CCN4: variants seen among roughly 807,000 people sequenced by gnomAD.
CCN4 encodes CCN family member 4.
In CCN4, 30 loss-of-function variants were observed where a neutral mutation model predicts 36.7. The observed-to-expected ratio is 0.82, with a 90% CI of 0.61 to 1.11. The LOEUF (loss-of-function observed/expected upper bound fraction) is 1.11, where lower values mean the gene tolerates loss of function less well. Ranked by LOEUF, CCN4 falls within the 50% of genes least tolerant of loss-of-function variation. The pLI, the probability that CCN4 is intolerant of heterozygous loss-of-function variation, is 0.00. For missense variants in CCN4, 505 were observed against 504.9 expected, an observed-to-expected ratio of 1.00 and a Z score of 0.00; for synonymous variants, 191 against 195.4, an observed-to-expected ratio of 0.98 and a Z score of 0.19.
At chr8:133,213,415 C>G (rs527345465) in intron 2 of CCN4, among the ~76,000 whole-genome samples, 117 of 152,222 alleles carry the variant, frequency 7.7e-4, no homozygotes, top group African/African-American at 2.7e-3. Context: ...GAGGGAGACG[C>G]CATGAAATAC....
At position 133,206,303 on chromosome 8, in the gene CCN4, G is replaced by A. The variant is rs571605912; in HGVS notation, c.70-6561G>A. Among the ~76,000 whole-genome samples, 4 of 152,314 alleles carry A rather than the reference G, an allele frequency of 2.6e-5. No individual in the cohort carries two copies. The East Asian group carries it at 5.8e-4, about 22-fold the overall frequency. ...TGACTCCCCATCATGACAGACCTGG[G>A]TGCACTGAGGAGGTCCCCAGACAGC... On this transcript the variant is annotated intron_variant, in intron 1 of 4. Transcript: ENST00000250160.
chr8:133,197,165 C>G (rs1853421870), intron 1 of CCN4, among the ~76,000 whole-genome samples: 1 of 152,018 alleles, frequency 6.6e-6, no homozygotes, highest in African/African-American at 2.4e-5. Flanking sequence ...GGATGTCCCT[C>G]AATGCCAACT....
rs370616029 is a variant in CCN4 at position 133,227,454 on chromosome 8, T to A, written c.848T>A (p.Met283Lys). ...CLAVYQPEAS[M>K]NFTLAGCIST... ...GCTGTGTACCAGCCAGAGGCATCCA[T>A]GAACTTCACACTTGCGGGCTGCATC... Residue 283 changes from methionine (M) to lysine (K), a missense_variant, in exon 5 of 5, where the codon ATG becomes AAG. Met to Lys is a moderately conservative substitution (Grantham distance 95). Transcript: ENST00000250160. 11 of 1,614,164 alleles carry A rather than the reference T, an allele frequency of 6.8e-6. No individual in the cohort carries two copies. Among genetic ancestry groups the A allele is most frequent in the Non-Finnish European group, 9.3e-6 (11 of 1,180,026 alleles).
intron 1 of CCN4, among the ~76,000 whole-genome samples, chr8:133,209,471 C>T (rs886425349): frequency 2.6e-5 from 4 of 152,196 alleles, no homozygotes; most frequent in Admixed American, 1.3e-4. Flanking sequence ...CTGGCTCAGC[C>T]GACTGCCCAC....
intron 1 of CCN4, among the ~76,000 whole-genome samples, chr8:133,197,723 G>A (rs910699501): frequency 3.3e-5 from 5 of 152,160 alleles, no homozygotes; most frequent in Admixed American, 6.5e-5. Context: ...TTGGGGCTTT[G>A]AGTGTGGATC....
At chr8:133,217,251 C>T (rs1187269746) in intron 2 of CCN4, among the ~76,000 whole-genome samples, 1 of 152,206 alleles carries the variant, frequency 6.6e-6, no homozygotes, top group Non-Finnish European at 1.5e-5. Flanking sequence ...ACACAATAAA[C>T]ATAAGTGAGG....
chr8:133,208,909 G>C (rs893350049), intron 1 of CCN4, among the ~76,000 whole-genome samples: 3 of 152,170 alleles, frequency 2.0e-5, no homozygotes, highest in Non-Finnish European at 4.4e-5. Flanking sequence ...TAAATGAAAG[G>C]GAGAATGAAT....
At chr8:133,191,311 A>G in intron 1 of CCN4, 98 bp downstream of exon 1, 1 of 1,397,930 alleles carries the variant, frequency 7.2e-7, no homozygotes, top group East Asian at 2.5e-5. Context: ...AAGGGCCAGG[A>G]AGGTTTGGGG....
At chr8:133,221,816 G>T (rs937234901) in intron 3 of CCN4, among the ~76,000 whole-genome samples, 4 of 151,966 alleles carry the variant, frequency 2.6e-5, no homozygotes, top group Admixed American at 2.0e-4. Flanking sequence ...TAAATGGACA[G>T]ATGGATGAAT....
chr8:133,195,082 TTGTG>T (rs992485084), intron 1 of CCN4, among the ~76,000 whole-genome samples: 1 of 147,794 alleles, frequency 6.8e-6, no homozygotes, highest in Non-Finnish European at 1.5e-5. Flanking sequence ...TGTAGTGTGC[TTGTG>T]TGTGTGTGGT....
chr8:133,219,072 T>C (rs1166386987), intron 2 of CCN4, among the ~76,000 whole-genome samples: 1 of 152,166 alleles, frequency 6.6e-6, no homozygotes, highest in Non-Finnish European at 1.5e-5. Context: ...TGGTCCCCCA[T>C]GCTACCTTTG....
Position 133,217,833 on chromosome 8 carries a change from G to T in CCN4, c.350-2748G>T, listed in dbSNP as rs546448434. 6.6e-5 allele frequency among the ~76,000 whole-genome samples: 10 copies of T among 152,162 alleles called. No homozygotes were observed. In the East Asian group the frequency reaches 1.9e-3, roughly 30 times the overall value. On this transcript the variant is annotated intron_variant, in intron 2 of 4. Transcript: ENST00000250160. Reference sequence around the variant, plus strand: ...CTGGGGTTCCCCTGTGCAGCTGGTAGGGAAAGCCACTGTGCTGGGGACTCC... The same window carrying T: ...CTGGGGTTCCCCTGTGCAGCTGGTATGGAAAGCCACTGTGCTGGGGACTCC...
intron 1 of CCN4, among the ~76,000 whole-genome samples, chr8:133,193,786 G>A (rs771102138): frequency 2.6e-5 from 4 of 152,214 alleles, no homozygotes; most frequent in Non-Finnish European, 5.9e-5. Context: ...TTGAACCTTG[G>A]TCCAGCTCTT....
intron 3 of CCN4, among the ~76,000 whole-genome samples, chr8:133,224,075 C>T (rs1403257730): frequency 6.6e-6 from 1 of 152,056 alleles, no homozygotes; most frequent in Non-Finnish European, 1.5e-5. Flanking sequence ...TCTTTTCTAT[C>T]ATGGCACTAG....
At chr8:133,210,892 A>T (rs565861126) in intron 1 of CCN4, among the ~76,000 whole-genome samples, 44 of 152,350 alleles carry the variant, frequency 2.9e-4, no homozygotes, top group African/African-American at 1.0e-3. Context: ...AAAGATAGGA[A>T]GGGCCTCTCA....
At chr8:133,215,400 T>C (rs1185816444) in intron 2 of CCN4, among the ~76,000 whole-genome samples, 1 of 152,240 alleles carries the variant, frequency 6.6e-6, no homozygotes, top group Non-Finnish European at 1.5e-5. Flanking sequence ...TGAGCTTGTC[T>C]CATAATTTAT....
rs373574457 is a variant in CCN4 at position 133,225,450 on chromosome 8, G to A, written c.671G>A (p.Ser224Asn). The stretch of plus-strand genomic sequence containing the variant: ...TGCATAGCCTACACAAGCCCCTGGA[G>A]CCCTTGCTCCACCAGCTGCGGCCTG... Reference protein sequence around the residue: ...RNCIAYTSPWSPCSTSCGLGV... With the variant: ...RNCIAYTSPWNPCSTSCGLGV... The change falls in exon 4 of 5, where the codon AGC becomes AAC. Residue 224 changes from serine (S) to asparagine (N), a missense_variant. By Grantham distance (46) the Ser-to-Asn change is conservative. Coordinates refer to ENST00000250160, the MANE Select transcript of CCN4 (RefSeq NM_003882.4). 5.6e-6 allele frequency: 9 copies of A among 1,613,972 alleles called. No homozygotes were observed. The African/African-American group carries it at 6.7e-5, about 12-fold the overall frequency.
At chr8:133,211,718 A>G (rs1396991475) in intron 1 of CCN4, among the ~76,000 whole-genome samples, 1 of 152,190 alleles carries the variant, frequency 6.6e-6, no homozygotes, top group Non-Finnish European at 1.5e-5. Flanking sequence ...TCCTCTGCTT[A>G]CTTCAGAACT....
chr8:133,226,862 A>G lies in CCN4; in HGVS notation c.805-549A>G, dbSNP rs1854754688. Among the ~76,000 whole-genome samples, 3 of 152,270 alleles carry G rather than the reference A, an allele frequency of 2.0e-5. 1 individual carries two copies. Among genetic ancestry groups the G allele is most frequent in the Admixed American group, 1.3e-4 (2 of 15,292 alleles). ...TACTAGGCATGGAATTATACCACAG[A>G]AACACAGAAAGAACAGTAAATCTCA... On this transcript the variant is annotated intron_variant, in intron 4 of 4. Coordinates refer to ENST00000250160, the MANE Select transcript of CCN4 (RefSeq NM_003882.4).
Sources: allele counts gnomAD v4.1 joint callset (sites outside exome capture counted in the v4.1 genomes callset), GRCh38; gene constraint gnomAD v4.1.1; transcripts MANE v1.5; gene names NCBI Gene and HGNC (gene_info 2026-07-23, HGNC 2026-07-21).